SIPA1L2: variants seen among roughly 807,000 people sequenced by gnomAD.
SIPA1L2 encodes the protein signal induced proliferation associated 1 like 2.
In SIPA1L2, 56 loss-of-function variants were observed where a neutral mutation model predicts 163.9. The ratio of observed to expected loss-of-function variants is 0.34; its 90% confidence interval spans 0.28 to 0.43. SIPA1L2 has a LOEUF of 0.43. SIPA1L2 is among the 20% of genes least tolerant of loss of function. SIPA1L2 has a pLI of 1.00. For synonymous variants in SIPA1L2, 877 were observed against 865.7 expected (o/e 1.01, Z -0.23); for missense variants, 1,974 against 2,193.5 (o/e 0.90, Z 2.00).
Position 232,506,456 on chromosome 1 carries a change from C to T in SIPA1L2, c.1483+7401G>A, listed in dbSNP as rs1666735337. Among the ~76,000 whole-genome samples the T allele has an allele frequency of 1.3e-5, 2 of 152,132 alleles. 1 individual carries two copies. The highest frequency in any genetic ancestry group is 4.1e-4 in the South Asian group (2 of 4,830). The stretch of plus-strand genomic sequence containing the variant: ...AGTGATGTCATTTGCCCGCCATTCA[C>T]AGACCTCTATTTACCAAGAGTTGAC... On this transcript the variant is annotated intron_variant, in intron 3 of 22. Transcript: ENST00000674635.
At chr1:232,470,821 C>T (rs2102945015) in intron 8 of SIPA1L2, among the ~76,000 whole-genome samples, 3 of 152,210 alleles carry the variant, frequency 2.0e-5, no homozygotes, top group Middle Eastern at 6.8e-3. Flanking sequence ...ATTGTTTTAC[C>T]AATACCCCAC....
intron 2 of SIPA1L2, among the ~76,000 whole-genome samples, chr1:232,557,321 C>CAT (rs1261684098): frequency 1.3e-5 from 2 of 152,162 alleles, no homozygotes; most frequent in African/African-American, 4.8e-5. Flanking sequence ...TAAGATAAGC[C>CAT]ATAACGGACT....
chr1:232,598,353 G>A (rs1333951278), intron 1 of SIPA1L2, among the ~76,000 whole-genome samples: 1 of 152,158 alleles, frequency 6.6e-6, no homozygotes, highest in Non-Finnish European at 1.5e-5. Context: ...GAGGCTGCAA[G>A]TAAGCGGTGA....
chr1:232,489,644 TCTGC>T (rs1665828015), intron 5 of SIPA1L2, among the ~76,000 whole-genome samples: 1 of 152,210 alleles, frequency 6.6e-6, no homozygotes, highest in African/African-American at 2.4e-5. Flanking sequence ...ATTCTAGCCA[TCTGC>T]GGTGCCAAAT....
intron 22 of SIPA1L2, among the ~76,000 whole-genome samples, chr1:232,401,627 C>G (rs752127889): frequency 1.5e-4 from 23 of 152,198 alleles, no homozygotes; most frequent in Non-Finnish European, 2.8e-4. Context: ...TATGTATGAG[C>G]TGTCCCTACT....
chr1:232,521,547 G>A (rs1667460473), intron 2 of SIPA1L2, among the ~76,000 whole-genome samples: 2 of 152,136 alleles, frequency 1.3e-5, no homozygotes, highest in Non-Finnish European at 2.9e-5. Flanking sequence ...ATCTGGGTGG[G>A]GTCCTGGTCT....
chr1:232,399,147 T>C lies in SIPA1L2; in HGVS notation c.5149A>G (p.Thr1717Ala). The stretch of plus-strand genomic sequence containing the variant: ...ATTGGCTAAGATTTTTTGTCGATGG[T>C]GGTGAAAAACCATTCTGTGAATTTC... ...LRKFTEWFFT[T>A]IDKKS is the part of the protein sequence containing the mutation. Residue 1717 changes from threonine (T) to alanine (A), a missense_variant, in exon 23 of 23, where the codon ACC becomes GCC. Transcript: ENST00000674635. 6.2e-7 allele frequency: 1 copy of C among 1,614,064 alleles called. No individual in the cohort carries two copies. The highest frequency in any genetic ancestry group is 1.1e-5 in the South Asian group (1 of 91,074).
chr1:232,491,107 T>C, intron 4 of SIPA1L2, 45 bp from the exon 5 acceptor site: 1 of 1,537,066 alleles, frequency 6.5e-7, no homozygotes, highest in Non-Finnish European at 8.9e-7. Flanking sequence ...TGATTCTCAA[T>C]TACCTACTCA....
intron 16 of SIPA1L2, 139 bp downstream of exon 16, chr1:232,432,108 A>C (rs1662278336): frequency 2.9e-6 from 2 of 689,202 alleles, no homozygotes; most frequent in East Asian, 5.5e-5. Context: ...ATAAACATCA[A>C]CATTTAAAGA....
chr1:232,457,207 G>C (rs1253988912), intron 10 of SIPA1L2, among the ~76,000 whole-genome samples: 4 of 152,168 alleles, frequency 2.6e-5, no homozygotes, highest in African/African-American at 9.7e-5. Flanking sequence ...CAGCTTCTGA[G>C]TCAAAACCAA....
chr1:232,505,620 G>A (rs1297929949), intron 3 of SIPA1L2, among the ~76,000 whole-genome samples: 1 of 152,174 alleles, frequency 6.6e-6, no homozygotes, highest in African/African-American at 2.4e-5. Flanking sequence ...TCCAGATACG[G>A]CACCTCTGCA....
At chr1:232,457,876 T>C (rs1269775160) in intron 10 of SIPA1L2, among the ~76,000 whole-genome samples, 1 of 152,074 alleles carries the variant, frequency 6.6e-6, no homozygotes, top group African/African-American at 2.4e-5. Context: ...TTATGAGAGG[T>C]TGTCTCACAA....
rs112671352 is a variant in SIPA1L2, at chr1:232,582,944, C to T, written c.-318-8722G>A. Among the ~76,000 whole-genome samples, 281 of 152,314 alleles carry T rather than the reference C, an allele frequency of 1.8e-3. 1 individual carries two copies. The highest frequency in any genetic ancestry group is 5.1e-3 in the African/African-American group (214 of 41,580). On this transcript the variant is annotated intron_variant, in intron 1 of 22. Transcript: ENST00000674635. ...AAGGAAGACTCGTTGGAAACCAATA[C>T]ATCCCTGCTAAATTCAAGCTAAAAA... is the stretch of plus-strand genomic sequence containing the variant.
At chr1:232,603,964 A>G (rs541751323) in intron 1 of SIPA1L2, among the ~76,000 whole-genome samples, 14 of 152,286 alleles carry the variant, frequency 9.2e-5, no homozygotes, top group African/African-American at 3.4e-4. Context: ...ATTTCACAGA[A>G]GTGGACATCA....
chr1:232,625,316 A>G (rs1325111343), intron 1 of SIPA1L2, among the ~76,000 whole-genome samples: 3 of 152,240 alleles, frequency 2.0e-5, no homozygotes, highest in Non-Finnish European at 4.4e-5. Flanking sequence ...TAAAGATATA[A>G]AAGAGTCTGA....
At chr1:232,455,920 G>C (rs1252166085) in intron 10 of SIPA1L2, among the ~76,000 whole-genome samples, 4 of 152,030 alleles carry the variant, frequency 2.6e-5, no homozygotes, top group African/African-American at 9.7e-5. Flanking sequence ...TGGACACGAA[G>C]AAAGGAATAA....
At chr1:232,484,901 C>T (rs1297818604) in intron 5 of SIPA1L2, among the ~76,000 whole-genome samples, 5 of 152,208 alleles carry the variant, frequency 3.3e-5, no homozygotes, top group African/African-American at 4.8e-5. Context: ...CTTTTATTAT[C>T]AAGCTGTAAA....
chr1:232,538,536 A>T (rs1282771298), intron 2 of SIPA1L2, among the ~76,000 whole-genome samples: 3 of 152,062 alleles, frequency 2.0e-5, no homozygotes, highest in African/African-American at 7.2e-5. Flanking sequence ...TTTCCATTAA[A>T]ACCTTTTCAC....
chr1:232,556,763 A>C (rs1658734118), intron 2 of SIPA1L2, among the ~76,000 whole-genome samples: 1 of 152,068 alleles, frequency 6.6e-6, no homozygotes, highest in African/African-American at 2.4e-5. Context: ...GGTAGTGAAC[A>C]CTGGGGTCAG....
Sources: allele counts gnomAD v4.1 joint callset (sites outside exome capture counted in the v4.1 genomes callset), GRCh38; gene constraint gnomAD v4.1.1; transcripts MANE v1.5; gene names NCBI Gene and HGNC (gene_info 2026-07-23, HGNC 2026-07-21).